Variants in SEZ6L observed in about 807,000 individuals in gnomAD.
The protein encoded by SEZ6L is seizure related 6 homolog like, also known as seizure 6-like protein.
In SEZ6L, 37 loss-of-function variants were observed where a neutral mutation model predicts 106.2. The observed-to-expected ratio is 0.35, with a 90% CI of 0.27 to 0.46. The LOEUF (loss-of-function observed/expected upper bound fraction) is 0.46, where lower values mean the gene tolerates loss of function less well. Ranked by LOEUF, SEZ6L falls within the 20% of genes least tolerant of loss-of-function variation. The pLI is 1.00. For synonymous variants in SEZ6L, 541 were observed against 570.4 expected, an observed-to-expected ratio of 0.95 and a Z score of 0.73; for missense variants, 1,172 against 1,332.8, an observed-to-expected ratio of 0.88 and a Z score of 1.88.
intron 13 of SEZ6L, 49 bp downstream of exon 13, chr22:26,365,615 A>G (rs750741492): frequency 3.3e-5 from 51 of 1,531,792 alleles, no homozygotes; most frequent in Non-Finnish European, 4.5e-5. Context: ...TGGAGATGTC[A>G]GGCTCCTGGC....
rs373941698 is a variant in SEZ6L, at chr22:26,172,986, A to G, written c.94+3223A>G. Among the ~76,000 whole-genome samples, 5 of 152,348 alleles carry G rather than the reference A, an allele frequency of 3.3e-5. No homozygotes were observed. The East Asian group carries it at 7.7e-4, about 23-fold the overall frequency. ...TGGAATTAGATTTATAAAGTCCAGG[A>G]AAAGAAGTGCAGCTCCATAATTAGA... On this transcript the variant is annotated intron_variant, in intron 1 of 16. Transcript: ENST00000248933.
At chr22:26,306,437 A>G (rs1454285124) in intron 6 of SEZ6L, among the ~76,000 whole-genome samples, 2 of 152,214 alleles carry the variant, frequency 1.3e-5, no homozygotes, top group African/African-American at 4.8e-5. Context: ...CCCTTTTTGC[A>G]GTTGAACAAA....
At chr22:26,307,863 T>A (rs2081683385) in intron 6 of SEZ6L, among the ~76,000 whole-genome samples, 1 of 152,168 alleles carries the variant, frequency 6.6e-6, no homozygotes, top group Non-Finnish European at 1.5e-5. Context: ...AGTATTTTCT[T>A]ATTTTCTGCA....
chr22:26,377,372 T>C (rs2084263820), intron 15 of SEZ6L, among the ~76,000 whole-genome samples: 1 of 152,166 alleles, frequency 6.6e-6, no homozygotes, highest in African/African-American at 2.4e-5. Flanking sequence ...TGTTTCCCTT[T>C]GCATTCAAGA....
At chr22:26,370,496 A>G (rs1488467116) in intron 13 of SEZ6L, among the ~76,000 whole-genome samples, 3 of 152,204 alleles carry the variant, frequency 2.0e-5, no homozygotes. Context: ...TTCTTGGATT[A>G]ATTGCAAAGG....
intron 9 of SEZ6L, among the ~76,000 whole-genome samples, chr22:26,322,330 T>G (rs1289050167): frequency 1.3e-5 from 2 of 152,126 alleles, no homozygotes; most frequent in African/African-American, 4.8e-5. Context: ...CCACTTCCAC[T>G]GACTTGAACA....
At chr22:26,320,115 A>G (rs1332473111) in intron 9 of SEZ6L, among the ~76,000 whole-genome samples, 1 of 152,194 alleles carries the variant, frequency 6.6e-6, no homozygotes, top group African/African-American at 2.4e-5. Flanking sequence ...GGTCTCCCCA[A>G]GAGAATATTT....
At chr22:26,280,021 A>T (rs928244666) in intron 1 of SEZ6L, among the ~76,000 whole-genome samples, 1 of 151,982 alleles carries the variant, frequency 6.6e-6, no homozygotes, top group African/African-American at 2.4e-5. Flanking sequence ...GATATACAAT[A>T]AAAAAAATAA....
At chr22:26,310,317 C>A (rs1209516907) in intron 6 of SEZ6L, among the ~76,000 whole-genome samples, 1 of 152,168 alleles carries the variant, frequency 6.6e-6, no homozygotes, top group Non-Finnish European at 1.5e-5. Flanking sequence ...GGGTGGATCA[C>A]CTGAGGTCAG....
chr22:26,174,378 G>A (rs969661123), intron 1 of SEZ6L, among the ~76,000 whole-genome samples: 3 of 152,180 alleles, frequency 2.0e-5, no homozygotes, highest in Non-Finnish European at 4.4e-5. Flanking sequence ...ACAGAGGAGC[G>A]AGTGGGAGGA....
intron 1 of SEZ6L, among the ~76,000 whole-genome samples, chr22:26,198,540 G>A (rs1243142145): frequency 1.3e-5 from 2 of 152,146 alleles, no homozygotes; most frequent in Non-Finnish European, 2.9e-5. Flanking sequence ...ACACAGACTG[G>A]GTAATTTATA....
intron 1 of SEZ6L, among the ~76,000 whole-genome samples, chr22:26,208,056 C>T (rs1274074171): frequency 6.6e-6 from 1 of 151,934 alleles, no homozygotes; most frequent in Non-Finnish European, 1.5e-5. Flanking sequence ...ACTACAGGCG[C>T]GCGCCACCAT....
chr22:26,275,264 C>T (rs1380008908), intron 1 of SEZ6L, among the ~76,000 whole-genome samples: 1 of 152,052 alleles, frequency 6.6e-6, no homozygotes, highest in Non-Finnish European at 1.5e-5. Context: ...AATTTTGATT[C>T]AAAATTCTTT....
Position 26,292,787 on chromosome 22 carries a change from C to G in SEZ6L, c.476C>G (p.Ser159Cys). The change falls in exon 2 of 17, where the codon TCC (serine) becomes TGC (cysteine). Residue 159 changes from serine (S) to cysteine (C), a missense_variant. Around this residue, in one of 4 missense-constraint regions of SEZ6L, gnomAD observed 494 missense variants for 445.8 expected, o/e 1.11. Transcript: ENST00000248933. ...TCCCAGGGCCTAGATCTCCTCTCCTCCTCCACGGAGAAGCCTGGCCCACCG... is the reference window on the plus strand; with the variant it reads ...TCCCAGGGCCTAGATCTCCTCTCCTGCTCCACGGAGAAGCCTGGCCCACCG... The part of the protein sequence containing the change: ...PASQGLDLLS[S>C]STEKPGPPGD... 1.2e-6 allele frequency: 2 copies of G among 1,614,150 alleles called. No individual in the cohort carries two copies. Among genetic ancestry groups the G allele is most frequent in the Non-Finnish European group, 1.7e-6 (2 of 1,179,974 alleles).
intron 1 of SEZ6L, among the ~76,000 whole-genome samples, chr22:26,260,159 G>A (rs899571169): frequency 3.3e-5 from 5 of 151,934 alleles, no homozygotes; most frequent in African/African-American, 1.2e-4. Context: ...ATTTCCATAG[G>A]TTTTGGGAGA....
intron 1 of SEZ6L, among the ~76,000 whole-genome samples, chr22:26,254,701 T>C (rs76412902): frequency 0.13 from 19,442 of 152,134 alleles, 1,669 homozygotes; most frequent in East Asian, 0.35. Flanking sequence ...ACTATCGCCA[T>C]TAATTCTTCC....
chr22:26,380,283 G>A lies in SEZ6L; in HGVS notation c.3063G>A (p.Glu1021=), dbSNP rs1177185016. 1 of 1,613,602 alleles carries A rather than the reference G, an allele frequency of 6.2e-7. No homozygotes were observed. The highest frequency in any genetic ancestry group is 2.2e-5 in the East Asian group (1 of 44,870). The change falls in exon 17 of 17, where the codon GAG becomes GAA. Residue 1021 remains glutamate (E), a synonymous_variant. Coordinates refer to ENST00000248933, the MANE Select transcript of SEZ6L (RefSeq NM_021115.5). ...TCTTGCAGGAAACCAGAGAGTATGA[G>A]GTTTCTATCTAAAGAGAGCTACACT... ...IYETGETREY[E]VSI
intron 1 of SEZ6L, among the ~76,000 whole-genome samples, chr22:26,190,095 T>TA (rs537566967): frequency 6.1e-4 from 80 of 130,266 alleles, no homozygotes; most frequent in East Asian, 1.1e-3. Flanking sequence ...AGACTGTGTC[T>TA]AAAAAAAAAA....
chr22:26,171,816 T>C (rs892501372), intron 1 of SEZ6L, among the ~76,000 whole-genome samples: 2 of 152,150 alleles, frequency 1.3e-5, no homozygotes, highest in Non-Finnish European at 2.9e-5. Flanking sequence ...CCAATGAGCA[T>C]TGCCGAGTCT....
Sources: allele counts gnomAD v4.1 joint callset (sites outside exome capture counted in the v4.1 genomes callset), GRCh38; gene constraint gnomAD v4.1.1; regional missense constraint gnomAD v4.1.1; transcripts MANE v1.5; gene names NCBI Gene and HGNC (gene_info 2026-07-23, HGNC 2026-07-21).